The following INPP4B variants were observed in gnomAD, a reference collection of about 807,000 sequenced individuals.
The protein encoded by INPP4B is inositol polyphosphate-4-phosphatase type II B, also known as inositol polyphosphate 4-phosphatase type II.
INPP4B carries 55 observed loss-of-function variants against 122.5 expected under a neutral mutation model. The ratio of observed to expected loss-of-function variants is 0.45; its 90% CI spans 0.36 to 0.56. The LOEUF is 0.56. Ranked by LOEUF, INPP4B falls within the 20% of genes least tolerant of loss-of-function variation. The probability of loss-of-function intolerance (pLI) is 0.00; values close to 1 mark genes in which losing one functional copy is unlikely to be tolerated. For missense variants in INPP4B, 1,000 were observed against 1,097.7 expected (o/e 0.91, Z 1.26); for synonymous variants, 403 against 388.7 (o/e 1.04, Z -0.43).
intron 2 of INPP4B, among the ~76,000 whole-genome samples, chr4:142,555,008 G>T (rs1053530534): frequency 6.6e-5 from 10 of 152,166 alleles, no homozygotes; most frequent in Non-Finnish European, 1.3e-4. Context: ...AAGGGCCTGG[G>T]GGATGGCAAG....
intron 2 of INPP4B, among the ~76,000 whole-genome samples, chr4:142,706,594 A>C (rs1274715079): frequency 6.6e-6 from 1 of 152,246 alleles, no homozygotes; most frequent in South Asian, 2.1e-4. Context: ...CCACTAATCC[A>C]TTAAGCTGCA....
intron 1 of INPP4B, among the ~76,000 whole-genome samples, chr4:142,810,798 C>T (rs753235065): frequency 1.2e-4 from 18 of 152,066 alleles, no homozygotes; most frequent in Admixed American, 6.5e-4. Flanking sequence ...TTTCCAGGAC[C>T]GAATCTTGTT....
chr4:142,693,698 C>A (rs890864355), intron 2 of INPP4B, among the ~76,000 whole-genome samples: 5 of 151,930 alleles, frequency 3.3e-5, no homozygotes, highest in African/African-American at 1.2e-4. Flanking sequence ...TTGGTTTGAA[C>A]AAGTGATGGT....
intron 2 of INPP4B, among the ~76,000 whole-genome samples, chr4:142,532,426 G>A (rs1827726686): frequency 6.6e-6 from 1 of 152,006 alleles, no homozygotes; most frequent in Non-Finnish European, 1.5e-5. Context: ...CTTTTTCAGG[G>A]AACATTTTCC....
At chr4:142,365,349 C>T (rs190604400) in intron 7 of INPP4B, among the ~76,000 whole-genome samples, 57 of 152,132 alleles carry the variant, frequency 3.7e-4, no homozygotes, top group Non-Finnish European at 1.3e-4. Flanking sequence ...ACTGAGATCA[C>T]GAAGAAGGAA....
At position 142,359,680 on chromosome 4, in the gene INPP4B, C is replaced by T. The variant is rs78261329; in HGVS notation, c.372+43258G>A. On this transcript the variant is annotated intron_variant, in intron 7 of 25. Transcript: ENST00000262992. ...TAAGTACTTTCCTCTCCTTTTTTGC[C>T]ACAATTATCAATAAGTAATGTTGAG... Among the ~76,000 whole-genome samples the T allele has an allele frequency of 2.4e-3, 357 of 151,640 alleles. 1 individual carries two copies. Among genetic ancestry groups the T allele is most frequent in the African/African-American group, 8.5e-3 (352 of 41,462 alleles).
chr4:142,338,831 C>A (rs1298389919), intron 7 of INPP4B, among the ~76,000 whole-genome samples: 1 of 152,176 alleles, frequency 6.6e-6, no homozygotes, highest in Non-Finnish European at 1.5e-5. Context: ...ACACTCCACC[C>A]TTTTCCATCT....
chr4:142,498,162 TATATGTATGTATACATAC>T (rs1366739721), intron 2 of INPP4B, among the ~76,000 whole-genome samples: 2 of 149,326 alleles, frequency 1.3e-5, no homozygotes, highest in South Asian at 2.1e-4. Flanking sequence ...TGTATACATA[TATATGTATGTATACATAC>T]ATATGTATGT....
intron 2 of INPP4B, among the ~76,000 whole-genome samples, chr4:142,613,024 T>A (rs1394032615): frequency 6.6e-6 from 1 of 152,208 alleles, no homozygotes; most frequent in East Asian, 1.9e-4. Context: ...ATGGCCTTTT[T>A]TCTCCTTTCT....
At chr4:142,613,302 T>G (rs931582990) in intron 2 of INPP4B, among the ~76,000 whole-genome samples, 1 of 152,346 alleles carries the variant, frequency 6.6e-6, no homozygotes. Context: ...CTGATACATA[T>G]AGATTTGTGA....
In INPP4B at chr4:142,068,437, A is replaced by C. The variant is rs1360840189; in HGVS notation, c.2642+13594T>G. On this transcript the variant is annotated intron_variant, in intron 25 of 25. Coordinates refer to ENST00000262992, the MANE Select transcript of INPP4B (RefSeq NM_001101669.3). ...AACTGCATCAACTAACGAGCAAAAT[A>C]ACCAGCTAACATCATAATGACAGGA... 2.0e-5 allele frequency among the ~76,000 whole-genome samples: 3 copies of C among 152,328 alleles called. No individual in the cohort carries two copies. The East Asian group carries it at 5.8e-4, about 29-fold the overall frequency.
At chr4:142,382,265 T>C (rs577112363) in intron 7 of INPP4B, among the ~76,000 whole-genome samples, 3 of 151,954 alleles carry the variant, frequency 2.0e-5, no homozygotes, top group Admixed American at 1.3e-4. Context: ...TCCCAATACT[T>C]TGGGAGGCCA....
At chr4:142,455,997 T>G (rs1815332047) in intron 3 of INPP4B, among the ~76,000 whole-genome samples, 1 of 151,274 alleles carries the variant, frequency 6.6e-6, no homozygotes, top group African/African-American at 2.4e-5. Flanking sequence ...TTTGATAGGA[T>G]TATTAGATTT....
intron 4 of INPP4B, among the ~76,000 whole-genome samples, chr4:142,430,956 A>T (rs16998554): frequency 0.038 from 5,761 of 152,204 alleles, 403 homozygotes; most frequent in African/African-American, 0.13. Flanking sequence ...ATGGACTATC[A>T]TCTATCTTAC....
chr4:142,341,089 C>T (rs1459575785), intron 7 of INPP4B, among the ~76,000 whole-genome samples: 1 of 152,156 alleles, frequency 6.6e-6, no homozygotes, highest in Non-Finnish European at 1.5e-5. Flanking sequence ...GTTTCCAATG[C>T]ACTTATAGTG....
At chr4:142,175,071 A>G (rs1472279955) in intron 15 of INPP4B, among the ~76,000 whole-genome samples, 1 of 152,130 alleles carries the variant, frequency 6.6e-6, no homozygotes, top group Non-Finnish European at 1.5e-5. Flanking sequence ...AGAAGGAAAG[A>G]AGAGGGAAGT....
chr4:142,228,228 T>G (rs546229077), intron 12 of INPP4B, among the ~76,000 whole-genome samples: 17 of 151,804 alleles, frequency 1.1e-4, no homozygotes, highest in Non-Finnish European at 1.8e-4. Context: ...AGATTAAAGA[T>G]AATACAGATA....
At chr4:142,579,929 AGATAGAT>A (rs1734710029) in intron 2 of INPP4B, among the ~76,000 whole-genome samples, 1 of 149,764 alleles carries the variant, frequency 6.7e-6, no homozygotes, top group Non-Finnish European at 1.5e-5. Context: ...ATAGATAGAT[AGATAGAT>A]ATCCTATTGC....
intron 15 of INPP4B, among the ~76,000 whole-genome samples, chr4:142,183,794 A>C (rs1437391320): frequency 6.6e-6 from 1 of 152,188 alleles, no homozygotes; most frequent in Non-Finnish European, 1.5e-5. Context: ...ATAAATCCTC[A>C]AATCATATTA....
Sources: gnomAD v4.1 joint callset for allele counts (sites outside exome capture counted in the v4.1 genomes callset) on GRCh38, gnomAD v4.1.1 for gene constraint, MANE v1.5 for transcripts, NCBI Gene and HGNC (gene_info 2026-07-23, HGNC 2026-07-21) for gene names.